The following C4orf50 variants were observed in gnomAD, a reference collection of about 807,000 sequenced individuals.
C4orf50 encodes the protein uncharacterized protein C4orf50.
C4orf50 carries 80 observed loss-of-function variants against 77.2 expected under a neutral mutation model. The observed-to-expected ratio is 1.04, with a 90% CI of 0.87 to 1.25. The LOEUF is 1.25. Among genes scored for constraint, C4orf50 ranks in the 50% most tolerant of loss-of-function variants. The pLI is 0.00. For missense variants in C4orf50, 1,257 were observed against 1,152.9 expected, an observed-to-expected ratio of 1.09 and a Z score of -1.31; for synonymous variants, 532 against 465.3, an observed-to-expected ratio of 1.14 and a Z score of -1.84.
intron 25 of C4orf50, among the ~76,000 whole-genome samples, chr4:6,003,999 G>T (rs1722017693): frequency 1.4e-5 from 2 of 147,330 alleles, no homozygotes; most frequent in African/African-American, 2.5e-5. Flanking sequence ...GGTGATGATG[G>T]TGATGGTGAT....
chr4:5,988,799 G>A lies in C4orf50; in HGVS notation c.3247C>T (p.Arg1083Trp), dbSNP rs775905851. The change falls in exon 28 of 34, where the codon CGG (arginine) becomes TGG (tryptophan). Residue 1083 changes from arginine (R) to tryptophan (W), a missense_variant. Transcript: ENST00000531445. ...TGCTCGTTCTCCCCACTTAAGGCCCGGATCATGTCTTCTATTCCTAGCACG... is the reference window on the plus strand; with the variant it reads ...TGCTCGTTCTCCCCACTTAAGGCCCAGATCATGTCTTCTATTCCTAGCACG... 2.9e-5 allele frequency: 45 copies of A among 1,535,922 alleles called. No individual in the cohort carries two copies. In the South Asian group the frequency reaches 3.3e-4, roughly 11 times the overall value.
intron 7 of C4orf50, among the ~76,000 whole-genome samples, chr4:5,906,341 C>T (rs1221243836): frequency 1.3e-5 from 2 of 151,996 alleles, no homozygotes; most frequent in East Asian, 3.9e-4. Context: ...TGGTGACATT[C>T]GAGCAGTCTT....
intron 7 of C4orf50, chr4:5,902,598 C>T (rs1411907913): frequency 1.3e-5 from 2 of 152,148 alleles, no homozygotes; most frequent in African/African-American, 2.4e-5. Flanking sequence ...CTTTCCCTGC[C>T]TCAGTTAATC....
In C4orf50 at chr4:6,009,968, C is replaced by A. The variant is rs981611295; in HGVS notation, c.427-1436G>T. ...ATGAGACAGATTTAATAAGACGACG[C>A]GTGTAGAAAAGGGCTTAGTGTTCCC... On this transcript the variant is annotated intron_variant, in intron 24 of 33. Transcript: ENST00000531445. This position sits in a 1 kb window ranked among gnomAD's most constrained non-coding sequence, Gnocchi z 5.6. 6.6e-6 allele frequency among the ~76,000 whole-genome samples: 1 copy of A among 152,070 alleles called. No individual in the cohort carries two copies. Among genetic ancestry groups the A allele is most frequent in the Non-Finnish European group, 1.5e-5 (1 of 68,014 alleles).
At chr4:6,004,284 T>TG (rs1577992516) in intron 25 of C4orf50, among the ~76,000 whole-genome samples, 53 of 73,208 alleles carry the variant, frequency 7.2e-4, no homozygotes, top group South Asian at 1.4e-3. Flanking sequence ...GTGATGGTGA[T>TG]GTTGGTGATG....
At chr4:5,911,514 G>A (rs1035201972) in intron 7 of C4orf50, among the ~76,000 whole-genome samples, 2 of 152,194 alleles carry the variant, frequency 1.3e-5, no homozygotes, top group African/African-American at 4.8e-5. Context: ...CTTCAGATAG[G>A]TAAGCCTGGT....
At chr4:6,003,860 G>GTGATGGTGA (rs59371299) in intron 25 of C4orf50, among the ~76,000 whole-genome samples, 22,241 of 57,310 alleles carry the variant, frequency 0.39, 6,167 homozygotes, top group African/African-American at 0.57. Context: ...GGTGATGATG[G>GTGATGGTGA]TGATGGTGAT....
At chr4:5,948,023 C>T (rs1028823775) in intron 7 of C4orf50, among the ~76,000 whole-genome samples, 1 of 152,172 alleles carries the variant, frequency 6.6e-6, no homozygotes, top group Non-Finnish European at 1.5e-5. Context: ...CCTCTACCTC[C>T]ATGGTCAATT....
At chr4:5,975,492 GTTT>G (rs869126482) in intron 30 of C4orf50, among the ~76,000 whole-genome samples, 2 of 109,274 alleles carry the variant, frequency 1.8e-5, no homozygotes, top group Non-Finnish European at 1.8e-5. Context: ...CTTCTTTGCG[GTTT>G]TTTTGTTTTG....
intron 27 of C4orf50, among the ~76,000 whole-genome samples, chr4:5,991,974 G>A (rs1355536156): frequency 6.6e-6 from 1 of 152,168 alleles, no homozygotes; most frequent in South Asian, 2.1e-4. Flanking sequence ...TGCCCACAGA[G>A]AAAAGAGCAC....
At chr4:5,907,987 A>G (rs572461004) in intron 7 of C4orf50, among the ~76,000 whole-genome samples, 1 of 152,340 alleles carries the variant, frequency 6.6e-6, no homozygotes, top group South Asian at 2.1e-4. Flanking sequence ...GACATATTTC[A>G]GTTGAAGGTA....
chr4:5,989,819 T>C (rs1721153290), exon 28 of C4orf50: 5 of 1,495,950 alleles, frequency 3.3e-6, no homozygotes, highest in Non-Finnish European at 4.4e-6. Flanking sequence ...GGGGCACCCC[T>C]GCACCCCAGA....
rs1722332794 is a variant in C4orf50 at position 6,008,250 on chromosome 4, C to A, written c.709G>T (p.Ala237Ser). ...GCCTGCAGGGCGCGCAGTTCCGCAG[C>A]CGCCTCGGTGGCGCCCTGGGAGCCT... The change falls in exon 25 of 34, where the codon GCT (alanine) becomes TCT (serine). Residue 237 changes from alanine (A) to serine (S), a missense_variant. Coordinates refer to ENST00000531445, the Ensembl canonical transcript of C4orf50. This position sits in a 1 kb window ranked among gnomAD's most constrained non-coding sequence, Gnocchi z 6.0. The A allele has an allele frequency of 5.1e-6, 2 of 394,798 alleles. No individual in the cohort carries two copies. 24.5% of individuals were successfully genotyped at this position (394,798 alleles called of 1,614,324 possible).
Position 5,970,690 on chromosome 4 carries a change from T to C in C4orf50, c.4104+2969A>G, listed in dbSNP as rs1053740160. Among the ~76,000 whole-genome samples, 1 of 152,146 alleles carries C rather than the reference T, an allele frequency of 6.6e-6. No individual in the cohort carries two copies. The highest frequency in any genetic ancestry group is 2.4e-5 in the African/African-American group (1 of 41,444). On this transcript the variant is annotated intron_variant, in intron 31 of 33. Transcript: ENST00000531445. This position sits in a 1 kb window ranked among gnomAD's most constrained non-coding sequence, Gnocchi z 4.3. ...ATGGAAATACAAAGACTCAGTCACG[T>C]GCAGGGAGGGGAGGTGGTCACCGAC...
chr4:5,998,747 C>G (rs1721705214), intron 25 of C4orf50, among the ~76,000 whole-genome samples: 1 of 152,230 alleles, frequency 6.6e-6, no homozygotes, highest in Non-Finnish European at 1.5e-5. Flanking sequence ...CTGTGTCTGT[C>G]TCCTCTATAA....
intron 31 of C4orf50, among the ~76,000 whole-genome samples, chr4:5,968,378 C>A (rs1719705131): frequency 6.6e-6 from 1 of 152,186 alleles, no homozygotes; most frequent in African/African-American, 2.4e-5. Context: ...TGGTGGAGGG[C>A]TTAATACTCT....
chr4:5,976,420 C>T (rs932354439), intron 29 of C4orf50, among the ~76,000 whole-genome samples: 4 of 142,410 alleles, frequency 2.8e-5, no homozygotes, highest in African/African-American at 1.0e-4. Flanking sequence ...TGCGCCACTG[C>T]GCTCCAGCCT....
chr4:5,982,121 G>C (rs1345514920), intron 28 of C4orf50, among the ~76,000 whole-genome samples: 1 of 152,176 alleles, frequency 6.6e-6, no homozygotes, highest in African/African-American at 2.4e-5. Context: ...GTTAAGAACA[G>C]ATGGGTGCTC....
chr4:5,914,059 T>G (rs1033039203), intron 7 of C4orf50, among the ~76,000 whole-genome samples: 1 of 152,060 alleles, frequency 6.6e-6, no homozygotes, highest in Admixed American at 6.6e-5. Flanking sequence ...AATGATAGCA[T>G]GAAAAAATGC....
Sources: gnomAD v4.1 joint callset for allele counts (sites outside exome capture counted in the v4.1 genomes callset) on GRCh38, gnomAD v4.1.1 for gene constraint, Gnocchi (gnomAD v3.1) non-coding constraint, MANE v1.5 for transcripts, NCBI Gene and HGNC (gene_info 2026-07-23, HGNC 2026-07-21) for gene names.